The following TMEM98 variants were observed in gnomAD, a reference collection of about 807,000 sequenced individuals.
TMEM98 encodes transmembrane protein 98.
TMEM98 carries 18 observed loss-of-function variants against 25.0 expected under a neutral mutation model. The ratio of observed to expected loss-of-function variants is 0.72; its 90% CI spans 0.50 to 1.07. The LOEUF is 1.07. TMEM98 is among the 50% of genes least tolerant of loss of function. The probability of loss-of-function intolerance (pLI) is 0.00; values close to 1 mark genes in which losing one functional copy is unlikely to be tolerated. For synonymous variants in TMEM98, 103 were observed against 112.4 expected (o/e 0.92, Z 0.53); for missense variants, 241 against 289.0 (o/e 0.83, Z 1.20).
chr17:32,937,195 G>A (rs558158760), intron 6 of TMEM98, among the ~76,000 whole-genome samples: 1 of 152,336 alleles, frequency 6.6e-6, no homozygotes, highest in Admixed American at 6.5e-5. Flanking sequence ...CCGCCCACCC[G>A]GGAGGGCACC....
At chr17:32,938,155 C>A (rs2091507402) in intron 6 of TMEM98, among the ~76,000 whole-genome samples, 1 of 152,170 alleles carries the variant, frequency 6.6e-6, no homozygotes, top group Admixed American at 6.5e-5. Context: ...CCTTGGACTA[C>A]TTCTAGAATG....
rs1389893443 is a variant in TMEM98, at chr17:32,944,165, C to G, written c.*3172C>G. On this transcript the variant is annotated 3_prime_UTR_variant, in exon 8 of 8. Coordinates refer to ENST00000579849, the MANE Select transcript of TMEM98 (RefSeq NM_015544.3). ...TCCAGGAGTTCCCTCTCCAGAGACC[C>G]TGTGTGCCCACACGAGCAGACTTTT... The G allele has an allele frequency of 6.6e-6, 1 of 152,286 alleles. No homozygotes were observed. The highest frequency in any genetic ancestry group is 1.5e-5 in the Non-Finnish European group (1 of 68,098). 9.4% of individuals were successfully genotyped at this position (152,286 alleles called of 1,614,324 possible). A position where few individuals can be genotyped will look rare whatever the true frequency, so the allele number is the denominator to read the frequency against.
At chr17:32,938,081 G>T (rs554034584) in intron 6 of TMEM98, among the ~76,000 whole-genome samples, 5 of 152,316 alleles carry the variant, frequency 3.3e-5, no homozygotes, top group Admixed American at 6.5e-5. Context: ...GTCCTAAGAT[G>T]AGGGTGTGGC....
intron 1 of TMEM98, among the ~76,000 whole-genome samples, chr17:32,930,056 G>A (rs979289030): frequency 9.9e-5 from 15 of 151,948 alleles, no homozygotes; most frequent in Non-Finnish European, 1.9e-4. Flanking sequence ...TGGACCCTCC[G>A]AGACATGGAG....
At chr17:32,938,303 G>C (rs1263672968) in intron 6 of TMEM98, among the ~76,000 whole-genome samples, 1 of 152,110 alleles carries the variant, frequency 6.6e-6, no homozygotes, top group African/African-American at 2.4e-5. Context: ...TGTGAGTCTC[G>C]AGGAGGTGGC....
chr17:32,934,481 T>G (rs565779730), intron 5 of TMEM98, 157 bp downstream of exon 5: 1 of 708,214 alleles, frequency 1.4e-6, no homozygotes, highest in Non-Finnish European at 2.4e-6. Context: ...CTTCCCCCCC[T>G]GCCTGGACTG....
At position 32,942,470 on chromosome 17, in the gene TMEM98, C is replaced by T. The variant is rs2091535983; in HGVS notation, c.*1477C>T. On this transcript the variant is annotated 3_prime_UTR_variant, in exon 8 of 8. Coordinates refer to ENST00000579849, the MANE Select transcript of TMEM98 (RefSeq NM_015544.3). Reference sequence around the variant, plus strand: ...AGTCAGAAAATTCCTCAGCTGGATTCTGGGGAACCAGGAACCCATATTCCC... The same window carrying T: ...AGTCAGAAAATTCCTCAGCTGGATTTTGGGGAACCAGGAACCCATATTCCC... 6.6e-6 allele frequency: 1 copy of T among 152,222 alleles called. No homozygotes were observed. The highest frequency in any genetic ancestry group is 2.1e-4 in the South Asian group (1 of 4,836). 9.4% of individuals were successfully genotyped at this position (152,222 alleles called of 1,614,324 possible). A position where few individuals can be genotyped will look rare whatever the true frequency, so the allele number is the denominator to read the frequency against.
intron 3 of TMEM98, 114 bp from the exon 4 acceptor site, chr17:32,933,060 G>A: frequency 6.9e-7 from 1 of 1,446,642 alleles, no homozygotes; most frequent in Non-Finnish European, 9.3e-7. Flanking sequence ...AGTGGTCTCT[G>A]CCCTAGCTTA....
chr17:32,929,095 ACACC>A (rs2091451022), intron 1 of TMEM98, among the ~76,000 whole-genome samples: 1 of 152,010 alleles, frequency 6.6e-6, no homozygotes, highest in Admixed American at 6.6e-5. Context: ...CAATCAGCTC[ACACC>A]CACTCAAGCA....
chr17:32,941,287 C>A lies in TMEM98; in HGVS notation c.*294C>A. ...CTTTATTTAGCTCACCTAGTGTTTT[C>A]AAGAAAATTGAGCCACCGTCTAAGA... is the stretch of plus-strand genomic sequence containing the variant. On this transcript the variant is annotated 3_prime_UTR_variant, in exon 8 of 8. Transcript: ENST00000579849. The A allele has an allele frequency of 4.3e-6, 1 of 232,684 alleles. No individual in the cohort carries two copies. The highest frequency in any genetic ancestry group is 8.3e-6 in the Non-Finnish European group (1 of 120,052). 14.4% of individuals were successfully genotyped at this position (232,684 alleles called of 1,614,324 possible). A position where few individuals can be genotyped will look rare whatever the true frequency, so the allele number is the denominator to read the frequency against.
rs1416144790 is a variant in TMEM98, at chr17:32,942,420, C to T, written c.*1427C>T. The T allele has an allele frequency of 9.2e-5, 14 of 152,212 alleles. No individual in the cohort carries two copies. The highest frequency in any genetic ancestry group is 9.2e-4 in the Admixed American group (14 of 15,288). 9.4% of individuals were successfully genotyped at this position (152,212 alleles called of 1,614,324 possible). The stretch of plus-strand genomic sequence containing the variant: ...ATGTTTGGAGTTGCACATCTGTTCC[C>T]ATGTCATTTTCTCTGTCTAACTGAA... On this transcript the variant is annotated 3_prime_UTR_variant, in exon 8 of 8. Transcript: ENST00000579849.
chr17:32,934,265 C>T (rs766869401), intron 4 of TMEM98, 26 bp from the exon 5 acceptor site: 10 of 1,613,918 alleles, frequency 6.2e-6, no homozygotes, highest in Non-Finnish European at 7.6e-6. Context: ...CAGATGAGCA[C>T]TGATGACTTC....
In TMEM98 at chr17:32,941,139, C is replaced by T. The variant is rs747818194; in HGVS notation, c.*146C>T. On this transcript the variant is annotated 3_prime_UTR_variant, in exon 8 of 8. Coordinates refer to ENST00000579849, the MANE Select transcript of TMEM98 (RefSeq NM_015544.3). ...TGTGCATAGTAAAGCAGGAGATCCCCGTCAGTTTATGCCTCTTTTGCAGTT... is the reference window on the plus strand; with the variant it reads ...TGTGCATAGTAAAGCAGGAGATCCCTGTCAGTTTATGCCTCTTTTGCAGTT... The T allele has an allele frequency of 8.1e-5, 58 of 719,616 alleles. No individual in the cohort carries two copies. Among genetic ancestry groups the T allele is most frequent in the Middle Eastern group, 4.0e-4 (1 of 2,510 alleles). 44.6% of individuals were successfully genotyped at this position (719,616 alleles called of 1,614,324 possible).
At chr17:32,931,445 A>G in intron 2 of TMEM98, 30 bp from the exon 3 acceptor site, 1 of 1,522,698 alleles carries the variant, frequency 6.6e-7, no homozygotes, top group East Asian at 2.4e-5. Context: ...CTTCTTGACC[A>G]GATCTGCTCT....
In TMEM98 at chr17:32,939,497, C is replaced by T. The variant is rs770526846; in HGVS notation, c.434C>T (p.Ser145Leu). 24 of 1,613,736 alleles carry T rather than the reference C, an allele frequency of 1.5e-5. No homozygotes were observed. The highest frequency in any genetic ancestry group is 8.3e-5 in the Admixed American group (5 of 59,990). The change falls in exon 7 of 8, where the codon TCG (serine) becomes TTG (leucine). Residue 145 changes from serine to leucine, a missense_variant. Coordinates refer to ENST00000579849, the MANE Select transcript of TMEM98 (RefSeq NM_015544.3). ...GTCAGGGTGGATGATGTTGTGAAGTCGATGTACCCTCCGTTGGACCCCAAA... is the reference window on the plus strand; with the variant it reads ...GTCAGGGTGGATGATGTTGTGAAGTTGATGTACCCTCCGTTGGACCCCAAA... ...ISPRVDDVVK[S>L]MYPPLDPKLL...
chr17:32,932,969 C>G (rs1390651017), intron 3 of TMEM98, among the ~76,000 whole-genome samples: 2 of 152,188 alleles, frequency 1.3e-5, no homozygotes, highest in African/African-American at 4.8e-5. Context: ...GTGCTCCCGG[C>G]CTGCCTCCCC....
chr17:32,929,921 C>T (rs935390861), intron 1 of TMEM98, among the ~76,000 whole-genome samples: 4 of 152,094 alleles, frequency 2.6e-5, no homozygotes, highest in African/African-American at 9.7e-5. Context: ...AGTGGTTTGT[C>T]ACCTGTCTGC....
At chr17:32,931,180 G>T (rs563742359) in intron 1 of TMEM98, 147 bp from the exon 2 acceptor site, 18 of 187,380 alleles carry the variant, frequency 9.6e-5, no homozygotes, top group Non-Finnish European at 1.6e-4. Flanking sequence ...CTCCAGCCTG[G>T]GTGACAGAGC....
At chr17:32,934,098 G>A (rs180862664) in intron 4 of TMEM98, among the ~76,000 whole-genome samples, 193 bp from the exon 5 acceptor site, 1 of 152,206 alleles carries the variant, frequency 6.6e-6, no homozygotes, top group Non-Finnish European at 1.5e-5. Flanking sequence ...TGGGTGCAGG[G>A]AGGGGAAGGG....
Sources: allele counts gnomAD v4.1 joint callset (sites outside exome capture counted in the v4.1 genomes callset), GRCh38; gene constraint gnomAD v4.1.1; transcripts MANE v1.5; gene names NCBI Gene and HGNC (gene_info 2026-07-23, HGNC 2026-07-21).